Variants in HMGXB3 observed in about 807,000 individuals in gnomAD.
HMGXB3 encodes HMG domain-containing protein 3.
HMGXB3 carries 45 observed loss-of-function variants against 121.5 expected under a neutral mutation model. That is an observed-to-expected ratio of 0.37 (90% CI 0.29 to 0.47). The LOEUF is 0.47. Ranked by LOEUF, HMGXB3 falls within the 20% of genes least tolerant of loss-of-function variation. The pLI, the probability that HMGXB3 is intolerant of heterozygous loss-of-function variation, is 0.99. For missense variants in HMGXB3, 1,376 were observed against 1,602.2 expected (o/e 0.86, Z 2.41); for synonymous variants, 590 against 624.1 (o/e 0.95, Z 0.81).
rs1756821106 is a variant in HMGXB3, at chr5:150,048,809, G to C, written c.3201+124G>C. 15 of 724,032 alleles carry C rather than the reference G, an allele frequency of 2.1e-5. No homozygotes were observed. In the South Asian group the frequency reaches 2.4e-4, roughly 12 times the overall value. The allele number at this position is 724,032 out of a possible 1,614,324, so 44.9% of individuals were successfully genotyped here. A position where few individuals can be genotyped will look rare whatever the true frequency, so the allele number is the denominator to read the frequency against. On this transcript the variant is annotated intron_variant, in intron 18 of 19. Transcript: ENST00000502717. ...TCACTGGGCAACCTCCGGCATAGCTGCCCACGGGTCAGGTGCTACCCCCTG... is the reference window on the plus strand; with the variant it reads ...TCACTGGGCAACCTCCGGCATAGCTCCCCACGGGTCAGGTGCTACCCCCTG...
chr5:150,047,483 T>G, intron 16 of HMGXB3, 141 bp from the exon 17 acceptor site: 1 of 917,304 alleles, frequency 1.1e-6, no homozygotes, highest in Non-Finnish European at 1.6e-6. Flanking sequence ...AGCGTGGACC[T>G]GACTTGAGTT....
At chr5:150,012,425 T>G (rs1460241657) in intron 5 of HMGXB3, 72 bp downstream of exon 5, 2 of 1,068,878 alleles carry the variant, frequency 1.9e-6, no homozygotes, top group Non-Finnish European at 2.8e-6. Flanking sequence ...TAGATTTGTC[T>G]TTTTTTCTTT....
intron 1 of HMGXB3, among the ~76,000 whole-genome samples, chr5:150,004,423 T>C (rs1351080583): frequency 6.6e-6 from 1 of 152,226 alleles, no homozygotes; most frequent in East Asian, 1.9e-4. Flanking sequence ...ATAGGAGGAA[T>C]GGGCCAGAAC....
At chr5:150,025,688 CT>C (rs772420697) in intron 7 of HMGXB3, among the ~76,000 whole-genome samples, 3 of 152,158 alleles carry the variant, frequency 2.0e-5, no homozygotes, top group Non-Finnish European at 4.4e-5. Context: ...CCACCTCAGC[CT>C]CTGGAGTAGC....
intron 6 of HMGXB3, 76 bp from the exon 7 acceptor site, chr5:150,024,186 T>G: frequency 8.3e-7 from 1 of 1,206,516 alleles, no homozygotes; most frequent in South Asian, 1.6e-5. Context: ...CATATGTTAT[T>G]AAAAATGAGA....
chr5:150,048,883 A>G (rs956664784), intron 18 of HMGXB3, among the ~76,000 whole-genome samples, 198 bp downstream of exon 18: 2 of 152,154 alleles, frequency 1.3e-5, no homozygotes, highest in East Asian at 1.9e-4. Context: ...TAAGCACCCT[A>G]CCACATCCTG....
intron 6 of HMGXB3, among the ~76,000 whole-genome samples, chr5:150,023,725 G>A (rs971089641): frequency 6.6e-5 from 10 of 152,166 alleles, no homozygotes; most frequent in African/African-American, 1.9e-4. Flanking sequence ...TGACATATGT[G>A]CAAGTCATTC....
chr5:150,004,024 TA>T (rs1755640150), intron 1 of HMGXB3, among the ~76,000 whole-genome samples: 2 of 151,898 alleles, frequency 1.3e-5, no homozygotes, highest in Admixed American at 6.5e-5. Flanking sequence ...TTTTTTTTTT[TA>T]ATTAAAAAAG....
chr5:150,011,777 TA>T (rs1434105046), intron 4 of HMGXB3, among the ~76,000 whole-genome samples: 2 of 151,496 alleles, frequency 1.3e-5, no homozygotes, highest in African/African-American at 4.8e-5. Flanking sequence ...CTAATTTTTG[TA>T]TTTTTTTTTT....
intron 13 of HMGXB3, among the ~76,000 whole-genome samples, 176 bp from the exon 14 acceptor site, chr5:150,040,572 C>G (rs766221985): frequency 1.3e-5 from 2 of 151,552 alleles, no homozygotes; most frequent in Non-Finnish European, 2.9e-5. Context: ...GATGGAGTCT[C>G]TCACTGTGTT....
At chr5:150,020,496 C>T (rs1756064091) in intron 6 of HMGXB3, among the ~76,000 whole-genome samples, 1 of 152,158 alleles carries the variant, frequency 6.6e-6, no homozygotes, top group Non-Finnish European at 1.5e-5. Context: ...TGGGCTTATC[C>T]CTCCTTCAGG....
intron 7 of HMGXB3, among the ~76,000 whole-genome samples, chr5:150,026,409 G>A (rs192194320): frequency 2.1e-3 from 317 of 152,276 alleles, no homozygotes; most frequent in African/African-American, 7.0e-3. Context: ...CTATAATAGC[G>A]ATTGGCATTA....
At chr5:150,006,380 G>C in intron 2 of HMGXB3, 93 bp from the exon 3 acceptor site, 2 of 1,094,030 alleles carry the variant, frequency 1.8e-6, no homozygotes. Flanking sequence ...GTTGAATGAA[G>C]TCCTGGGTCG....
chr5:150,047,775 TG>T lies in HMGXB3; in HGVS notation c.3084+20del, dbSNP rs1166004273. 1 of 1,551,616 alleles carries T rather than the reference TG, an allele frequency of 6.4e-7. No individual in the cohort carries two copies. The highest frequency in any genetic ancestry group is 1.2e-5 in the South Asian group (1 of 84,054). On this transcript the variant is annotated intron_variant, in intron 17 of 19. Coordinates refer to ENST00000502717, the MANE Select transcript of HMGXB3 (RefSeq NM_014983.3). ...ACTCCAAGGTGAGTGTCAAGGGCAGTGGTGGATATCGGGGCTTCTGGAGTAG... is the reference window on the plus strand; with the variant it reads ...ACTCCAAGGTGAGTGTCAAGGGCAGTGTGGATATCGGGGCTTCTGGAGTAG...
At chr5:150,020,256 TCA>T (rs1210328518) in intron 6 of HMGXB3, among the ~76,000 whole-genome samples, 6 of 152,256 alleles carry the variant, frequency 3.9e-5, no homozygotes, top group Non-Finnish European at 8.8e-5. Context: ...TGCTAATGTC[TCA>T]CAGGGGGTTT....
Position 150,024,254 on chromosome 5 carries a change from T to G in HMGXB3, c.1042-8T>G. 1 of 1,514,556 alleles carries G rather than the reference T, an allele frequency of 6.6e-7. No individual in the cohort carries two copies. Among genetic ancestry groups the G allele is most frequent in the Non-Finnish European group, 8.8e-7 (1 of 1,133,436 alleles). The allele number at this position is 1,514,556 out of a possible 1,614,324, so 93.8% of individuals were successfully genotyped here. A position where few individuals can be genotyped will look rare whatever the true frequency, so the allele number is the denominator to read the frequency against. ...CCTTATGTATACAAGGTATTCTTATTTTTCTAGGAAAAGCCAGCCAAAGTA... is the reference window on the plus strand; with the variant it reads ...CCTTATGTATACAAGGTATTCTTATGTTTCTAGGAAAAGCCAGCCAAAGTA... On this transcript the variant is annotated splice_region_variant and splice_polypyrimidine_tract_variant and intron_variant, in intron 6 of 19. Coordinates refer to ENST00000502717, the MANE Select transcript of HMGXB3 (RefSeq NM_014983.3).
At chr5:150,045,773 G>T in intron 16 of HMGXB3, 88 bp downstream of exon 16, 2 of 1,032,072 alleles carry the variant, frequency 1.9e-6, no homozygotes, top group East Asian at 2.6e-5. Flanking sequence ...CACAGTGGTA[G>T]CGAGAGGGCC....
At chr5:150,012,424 C>CT in intron 5 of HMGXB3, 71 bp downstream of exon 5, 1 of 1,068,200 alleles carries the variant, frequency 9.4e-7, no homozygotes, top group Non-Finnish European at 1.4e-6. Flanking sequence ...GTAGATTTGT[C>CT]TTTTTTTCTT....
At chr5:150,007,445 G>C (rs770294091) in intron 3 of HMGXB3, among the ~76,000 whole-genome samples, 10 of 152,142 alleles carry the variant, frequency 6.6e-5, no homozygotes, top group Non-Finnish European at 1.3e-4. Flanking sequence ...TATTTCAATA[G>C]AAACAGTTGT....
Sources: allele counts gnomAD v4.1 joint callset (sites outside exome capture counted in the v4.1 genomes callset), GRCh38; gene constraint gnomAD v4.1.1; transcripts MANE v1.5; gene names NCBI Gene and HGNC (gene_info 2026-07-23, HGNC 2026-07-21).